Variants in SMARCA5 observed in about 807,000 individuals in gnomAD.
The protein encoded by SMARCA5 is SNF2 related chromatin remodeling ATPase 5.
A neutral mutation model predicts 140.4 loss-of-function variants in SMARCA5; 18 were observed. The ratio of observed to expected loss-of-function variants is 0.13; its 90% CI spans 0.09 to 0.19. The LOEUF (loss-of-function observed/expected upper bound fraction) is 0.19. Ranked by LOEUF, SMARCA5 falls within the 10% of genes least tolerant of loss-of-function variation. SMARCA5 has a pLI of 1.00. For missense variants in SMARCA5, 606 were observed against 1,276.8 expected (o/e 0.47, Z 8.01); for synonymous variants, 449 against 419.6 (o/e 1.07, Z -0.86).
intron 14 of SMARCA5, among the ~76,000 whole-genome samples, chr4:143,543,271 A>G (rs1283608743): frequency 6.6e-6 from 1 of 152,214 alleles, no homozygotes; most frequent in African/African-American, 2.4e-5. Context: ...GGCACAGTAT[A>G]CAGCAGGTTT....
intron 10 of SMARCA5, among the ~76,000 whole-genome samples, chr4:143,536,067 A>G (rs1737296095): frequency 6.6e-6 from 1 of 152,188 alleles, no homozygotes; most frequent in Non-Finnish European, 1.5e-5. Flanking sequence ...GGTATATAGT[A>G]ATCGAATAGT....
At position 143,545,992 on chromosome 4, in the gene SMARCA5, A is replaced by C. The variant is rs1034434626; in HGVS notation, c.2465A>C (p.Glu822Ala). 2 of 1,610,716 alleles carry C rather than the reference A, an allele frequency of 1.2e-6. No homozygotes were observed. The highest frequency in any genetic ancestry group is 2.7e-5 in the African/African-American group (2 of 74,748). ...AQKEEQLKID[E>A]AESLNDEELE... Reference sequence around the variant, plus strand: ...AAAGAAGAACAGCTTAAAATTGATGAAGCTGAATCCCTTAATGATGAAGAG... The same window carrying C: ...AAAGAAGAACAGCTTAAAATTGATGCAGCTGAATCCCTTAATGATGAAGAG... The change falls in exon 19 of 24, where the codon GAA (glutamate) becomes GCA (alanine). Residue 822 changes from glutamate to alanine, a missense_variant. Coordinates refer to ENST00000283131, the MANE Select transcript of SMARCA5 (RefSeq NM_003601.4).
Position 143,514,066 on chromosome 4 carries a change from G to A in SMARCA5, c.142G>A (p.Ala48Thr). Reference protein sequence around the residue: ...EGVAAQAVASAASAGPADAEM... With the variant: ...EGVAAQAVASTASAGPADAEM... ...CGTCGCGGCGCAGGCGGTTGCGTCT[G>A]CGGCCAGCGCTGGTCCCGCAGACGC... Residue 48 changes from alanine to threonine, a missense_variant, in exon 1 of 24, where the codon GCG (alanine) becomes ACG (threonine). By Grantham distance (58) the Ala-to-Thr change is moderately conservative (BLOSUM62 0). This residue lies in a region of SMARCA5 where 164 missense variants were observed against 128.4 expected (regional missense o/e 1.28). Transcript: ENST00000283131. 1 of 1,561,532 alleles carries A rather than the reference G, an allele frequency of 6.4e-7. No individual in the cohort carries two copies. Among genetic ancestry groups the A allele is most frequent in the Non-Finnish European group, 8.6e-7 (1 of 1,162,148 alleles).
chr4:143,537,268 C>G, intron 11 of SMARCA5, among the ~76,000 whole-genome samples: 2 of 152,244 alleles, frequency 1.3e-5, no homozygotes, highest in Admixed American at 1.3e-4. Context: ...CCAGATTATT[C>G]GAAGCAAACG....
intron 10 of SMARCA5, among the ~76,000 whole-genome samples, chr4:143,535,574 C>T (rs1366190988): frequency 1.3e-5 from 2 of 152,100 alleles, no homozygotes; most frequent in Admixed American, 6.6e-5. Context: ...TCCTAAATGT[C>T]CTCAAAAACT....
chr4:143,533,766 C>G (rs908019127), intron 9 of SMARCA5, among the ~76,000 whole-genome samples: 3 of 152,058 alleles, frequency 2.0e-5, no homozygotes, highest in African/African-American at 7.2e-5. Context: ...CTCGGCCTCC[C>G]GACCCTTGCC....
chr4:143,539,118 T>A (rs892244431), intron 13 of SMARCA5, among the ~76,000 whole-genome samples, 180 bp downstream of exon 13: 1 of 152,170 alleles, frequency 6.6e-6, no homozygotes, highest in African/African-American at 2.4e-5. Flanking sequence ...ATCTCAGGGA[T>A]CTGCCATATC....
At chr4:143,522,313 T>C (rs984034856) in intron 3 of SMARCA5, among the ~76,000 whole-genome samples, 13 of 152,250 alleles carry the variant, frequency 8.5e-5, no homozygotes, top group Non-Finnish European at 1.6e-4. Flanking sequence ...TTGGAAATTC[T>C]CTAGAATTTT....
intron 14 of SMARCA5, among the ~76,000 whole-genome samples, chr4:143,541,219 T>C (rs746711055): frequency 3.3e-5 from 5 of 152,318 alleles, no homozygotes; most frequent in Middle Eastern, 3.4e-3. Flanking sequence ...ATGGGAAATA[T>C]AAAATTCAAG....
At chr4:143,549,352 A>G (rs1036230013) in intron 22 of SMARCA5, among the ~76,000 whole-genome samples, 9 of 152,038 alleles carry the variant, frequency 5.9e-5, no homozygotes, top group Non-Finnish European at 8.8e-5. Context: ...ATTTTGCTCT[A>G]TAAGAAAGGG....
Position 143,543,549 on chromosome 4 carries a change from T to C in SMARCA5, c.1944T>C (p.Asp648=), listed in dbSNP as rs1172956394. 8 of 1,613,214 alleles carry C rather than the reference T, an allele frequency of 5.0e-6. No homozygotes were observed. The African/African-American group carries it at 1.1e-4, about 22-fold the overall frequency. Residue 648 remains aspartate (D), a synonymous_variant, in exon 15 of 24, where the codon GAT becomes GAC. Coordinates refer to ENST00000283131, the MANE Select transcript of SMARCA5 (RefSeq NM_003601.4). ...VDQNLNKIGK[D]EMLQMIRHGA... ...AGAATCTGAACAAAATTGGGAAAGA[T>C]GAAATGCTTCAAATGATTAGACATG...
At chr4:143,526,195 T>A in intron 5 of SMARCA5, 86 bp from the exon 6 acceptor site, 1 of 1,084,764 alleles carries the variant, frequency 9.2e-7, no homozygotes, top group Non-Finnish European at 1.4e-6. Flanking sequence ...AGCATTTCTT[T>A]TGAACATTTC....
In SMARCA5 at chr4:143,554,473, C is replaced by A; in HGVS notation, c.*1289C>A. ...AATTGGATATCTTTCCCTTAAATTT[C>A]TATTAGTAGTTGTTTTCATCTGCCC... On this transcript the variant is annotated 3_prime_UTR_variant, in exon 24 of 24. Transcript: ENST00000283131. The A allele has an allele frequency of 7.0e-6, 1 of 142,538 alleles. No individual in the cohort carries two copies. The highest frequency in any genetic ancestry group is 2.5e-5 in the African/African-American group (1 of 39,712). 8.8% of individuals were successfully genotyped at this position (142,538 alleles called of 1,614,324 possible). A position where few individuals can be genotyped will look rare whatever the true frequency, so the allele number is the denominator to read the frequency against.
In SMARCA5 at chr4:143,553,858, T is replaced by C. The variant is rs1189718703; in HGVS notation, c.*674T>C. On this transcript the variant is annotated 3_prime_UTR_variant, in exon 24 of 24. Transcript: ENST00000283131. ...AGTATTTTCCGGTTCCTTAAGGTAT[T>C]ACTGTACCATTTTGTAAAAGGAATA... 6.6e-6 allele frequency: 1 copy of C among 152,004 alleles called. No individual in the cohort carries two copies. The highest frequency in any genetic ancestry group is 2.4e-5 in the African/African-American group (1 of 41,442). 9.4% of individuals were successfully genotyped at this position (152,004 alleles called of 1,614,324 possible).
Position 143,554,189 on chromosome 4 carries a change from C to A in SMARCA5, c.*1005C>A, listed in dbSNP as rs1322770784. 6.6e-6 allele frequency: 1 copy of A among 152,024 alleles called. No homozygotes were observed. The highest frequency in any genetic ancestry group is 2.4e-5 in the African/African-American group (1 of 41,414). 9.4% of individuals were successfully genotyped at this position (152,024 alleles called of 1,614,324 possible). ...GGACAGACCTGATAAACTGGAGACC[C>A]TAAAGCAGGAATACCCAAATTATAG... On this transcript the variant is annotated 3_prime_UTR_variant, in exon 24 of 24. Coordinates refer to ENST00000283131, the MANE Select transcript of SMARCA5 (RefSeq NM_003601.4).
chr4:143,551,484 A>G (rs1254940678), intron 23 of SMARCA5, among the ~76,000 whole-genome samples: 1 of 152,070 alleles, frequency 6.6e-6, no homozygotes, highest in Non-Finnish European at 1.5e-5. Flanking sequence ...TGCCCAGTCC[A>G]GTGTTCTGGA....
At chr4:143,514,553 G>C (rs1165270422) in intron 1 of SMARCA5, 1 of 157,682 alleles carries the variant, frequency 6.3e-6, no homozygotes, top group Non-Finnish European at 1.4e-5. Flanking sequence ...AAAGCAGCGC[G>C]TCCGAGGACT....
At chr4:143,523,306 C>T (rs1173537828) in intron 3 of SMARCA5, among the ~76,000 whole-genome samples, 7 of 151,484 alleles carry the variant, frequency 4.6e-5, no homozygotes, top group Admixed American at 1.3e-4. Context: ...GGATTACAGG[C>T]GTGAGCCACT....
chr4:143,546,666 T>A (rs1737531893), intron 19 of SMARCA5, 110 bp from the exon 20 acceptor site: 1 of 991,212 alleles, frequency 1.0e-6, no homozygotes, highest in Admixed American at 2.6e-5. Context: ...CTAAAAGAAC[T>A]TAATAAACTA....
Sources: allele counts gnomAD v4.1 joint callset (sites outside exome capture counted in the v4.1 genomes callset), GRCh38; gene constraint gnomAD v4.1.1; regional missense constraint gnomAD v4.1.1; transcripts MANE v1.5; gene names NCBI Gene and HGNC (gene_info 2026-07-23, HGNC 2026-07-21).